CDH18: variants seen among roughly 807,000 people sequenced by gnomAD.
CDH18 encodes cadherin-18.
In CDH18, 31 loss-of-function variants were observed where a neutral mutation model predicts 67.9. That is an observed-to-expected ratio of 0.46 (90% CI 0.34 to 0.62). CDH18 has a LOEUF of 0.62. Ranked by LOEUF, CDH18 falls within the 20% of genes least tolerant of loss-of-function variation. The pLI is 0.01. For synonymous variants in CDH18, 362 were observed against 347.2 expected (o/e 1.04, Z -0.48); for missense variants, 890 against 975.5 (o/e 0.91, Z 1.17).
chr5:19,854,875 CT>C (rs1784092289), intron 2 of CDH18, among the ~76,000 whole-genome samples: 1 of 150,452 alleles, frequency 6.6e-6, no homozygotes, highest in Admixed American at 6.7e-5. Flanking sequence ...CTTTATCCCC[CT>C]CCCCCCACTA....
intron 1 of CDH18, among the ~76,000 whole-genome samples, chr5:20,510,702 A>G (rs376516464): frequency 6.6e-6 from 1 of 152,168 alleles, no homozygotes; most frequent in Non-Finnish European, 1.5e-5. Context: ...AATCACCATT[A>G]TATTTCTTTT....
intron 1 of CDH18, among the ~76,000 whole-genome samples, chr5:20,299,620 G>A (rs1165236240): frequency 4.0e-5 from 6 of 151,850 alleles, no homozygotes; most frequent in African/African-American, 1.2e-4. Flanking sequence ...TTAGCCGGGC[G>A]TGGTGGTGCA....
chr5:20,096,737 C>T (rs144683961), intron 2 of CDH18, among the ~76,000 whole-genome samples: 2 of 151,844 alleles, frequency 1.3e-5, no homozygotes, highest in East Asian at 3.9e-4. Context: ...TAACAAAATG[C>T]TAATAAAAGA....
At chr5:19,579,766 G>T (rs2149977970) in intron 7 of CDH18, among the ~76,000 whole-genome samples, 1 of 151,644 alleles carries the variant, frequency 6.6e-6, no homozygotes, top group Non-Finnish European at 1.5e-5. Context: ...TAAGGCACAT[G>T]TTTACATTCT....
Position 20,450,220 on chromosome 5 carries a change from G to A in CDH18, c.-580+125242C>T, listed in dbSNP as rs942447016. Among the ~76,000 whole-genome samples, 7 of 152,104 alleles carry A rather than the reference G, an allele frequency of 4.6e-5. No individual in the cohort carries two copies. The East Asian group carries it at 5.8e-4, about 13-fold the overall frequency. ...AAATTAGCCAGACGTGGTGGCACACGCCTGTAATCCCAGCTACTTGGGAGG... is the reference window on the plus strand; with the variant it reads ...AAATTAGCCAGACGTGGTGGCACACACCTGTAATCCCAGCTACTTGGGAGG... On this transcript the variant is annotated intron_variant, in intron 1 of 14. Transcript: ENST00000507958.
intron 2 of CDH18, among the ~76,000 whole-genome samples, chr5:20,153,703 A>C (rs1425191724): frequency 1.3e-5 from 2 of 152,220 alleles, no homozygotes; most frequent in South Asian, 2.1e-4. Flanking sequence ...ATGTCTTCAC[A>C]GTGTGTCCTC....
rs138326621 is a variant in CDH18, at chr5:19,718,428, T to A, written c.643+2919A>T. Among the ~76,000 whole-genome samples the A allele has an allele frequency of 5.3e-4, 81 of 152,098 alleles. 2 individuals are homozygous for A. The East Asian group carries it at 0.014, about 27-fold the overall frequency. ...TAACATGCCATCCAACTTAACTGAT[T>A]CTTTGATTTTCAGTATGTTTGTATT... On this transcript the variant is annotated intron_variant, in intron 5 of 12. Transcript: ENST00000382275.
At chr5:19,519,421 A>G (rs956238711) in intron 10 of CDH18, among the ~76,000 whole-genome samples, 2 of 152,164 alleles carry the variant, frequency 1.3e-5, no homozygotes, top group African/African-American at 4.8e-5. Flanking sequence ...GGGAAGGTAT[A>G]CTCATTTGGG....
intron 2 of CDH18, among the ~76,000 whole-genome samples, chr5:20,171,915 G>T (rs531055045): frequency 6.6e-6 from 1 of 151,122 alleles, no homozygotes; most frequent in East Asian, 2.0e-4. Flanking sequence ...TGTAAGGAAA[G>T]GGTCCAGTTT....
At chr5:20,190,211 C>A (rs1040776290) in intron 2 of CDH18, among the ~76,000 whole-genome samples, 7 of 152,082 alleles carry the variant, frequency 4.6e-5, no homozygotes, top group Admixed American at 2.6e-4. Context: ...GAATAAACAC[C>A]AGCGTGTGGG....
intron 2 of CDH18, among the ~76,000 whole-genome samples, chr5:19,921,870 A>G (rs1792518881): frequency 6.6e-6 from 1 of 152,146 alleles, no homozygotes; most frequent in Non-Finnish European, 1.5e-5. Flanking sequence ...TACAATAAAT[A>G]TCACTAGATA....
chr5:20,325,176 G>A (rs1458500724), intron 1 of CDH18, among the ~76,000 whole-genome samples: 1 of 152,102 alleles, frequency 6.6e-6, no homozygotes, highest in African/African-American at 2.4e-5. Context: ...TCTTCTCTCC[G>A]ATGAATGCCT....
At chr5:20,560,049 A>G (rs900391458) in intron 1 of CDH18, among the ~76,000 whole-genome samples, 1 of 152,106 alleles carries the variant, frequency 6.6e-6, no homozygotes, top group South Asian at 2.1e-4. Flanking sequence ...TCAGCATCAT[A>G]TGCTCCAGTG....
intron 3 of CDH18, among the ~76,000 whole-genome samples, chr5:19,835,696 GA>G (rs1054678378): frequency 1.2e-4 from 18 of 151,680 alleles, no homozygotes; most frequent in Non-Finnish European, 2.1e-4. Context: ...GTGTGTGGGA[GA>G]AAAAAAATCT....
intron 5 of CDH18, among the ~76,000 whole-genome samples, chr5:19,621,529 G>A (rs1273592521): frequency 3.9e-5 from 6 of 152,112 alleles, no homozygotes; most frequent in African/African-American, 1.4e-4. Flanking sequence ...GTTCACTGCT[G>A]CATGAACCTC....
intron 3 of CDH18, among the ~76,000 whole-genome samples, chr5:19,751,107 A>G (rs1304810820): frequency 6.6e-6 from 1 of 152,144 alleles, no homozygotes; most frequent in Non-Finnish European, 1.5e-5. Context: ...TTAAGTAGTA[A>G]CCTATGGCAC....
At chr5:19,961,955 T>A (rs558435676) in intron 2 of CDH18, among the ~76,000 whole-genome samples, 5 of 152,184 alleles carry the variant, frequency 3.3e-5, no homozygotes, top group Non-Finnish European at 5.9e-5. Flanking sequence ...GCAAGTTTTT[T>A]AAATAAAATT....
intron 2 of CDH18, among the ~76,000 whole-genome samples, chr5:20,255,270 A>G (rs574786287): frequency 6.6e-6 from 1 of 152,188 alleles, no homozygotes; most frequent in Admixed American, 6.5e-5. Context: ...AGTGATTTTA[A>G]AACACAGAAG....
intron 5 of CDH18, among the ~76,000 whole-genome samples, chr5:19,641,604 T>C (rs1754005832): frequency 6.6e-6 from 1 of 151,862 alleles, no homozygotes; most frequent in African/African-American, 2.4e-5. Flanking sequence ...ATGCAGAAAA[T>C]GGATTTGACA....
Sources: allele counts gnomAD v4.1 joint callset (sites outside exome capture counted in the v4.1 genomes callset), GRCh38; gene constraint gnomAD v4.1.1; transcripts MANE v1.5; gene names NCBI Gene and HGNC (gene_info 2026-07-23, HGNC 2026-07-21).